Variants in CEP97 observed in about 807,000 individuals in gnomAD.
The protein encoded by CEP97 is centrosomal protein of 97 kDa.
A neutral mutation model predicts 73.1 loss-of-function variants in CEP97; 43 were observed. The ratio of observed to expected loss-of-function variants is 0.59; its 90% CI spans 0.46 to 0.76. The LOEUF (loss-of-function observed/expected upper bound fraction) is 0.76. Among genes scored for constraint, CEP97 ranks in the 30% least tolerant of loss-of-function variants. The pLI is 0.00. For synonymous variants in CEP97, 337 were observed against 370.0 expected (o/e 0.91, Z 1.02); for missense variants, 939 against 1,014.0 (o/e 0.93, Z 1.00).
intron 9 of CEP97, chr3:101,759,430 G>A (rs1435317043): frequency 6.6e-6 from 1 of 152,022 alleles, no homozygotes; most frequent in African/African-American, 2.4e-5. Flanking sequence ...TTTTATTGTG[G>A]GCCAGTCACA....
chr3:101,725,418 C>T (rs1937847006), intron 1 of CEP97, among the ~76,000 whole-genome samples: 1 of 152,286 alleles, frequency 6.6e-6, no homozygotes, highest in African/African-American at 2.4e-5. Flanking sequence ...AAATCGGGGA[C>T]AGGGCCCAGG....
Position 101,766,638 on chromosome 3 carries a change from G to GATATATAT in CEP97, c.*1100_*1107dup, listed in dbSNP as rs3039557. 2.7e-5 allele frequency: 4 copies of GATATATAT among 148,002 alleles called. No homozygotes were observed. Among genetic ancestry groups the GATATATAT allele is most frequent in the African/African-American group, 7.4e-5 (3 of 40,358 alleles). The allele number at this position is 148,002 out of a possible 1,614,324, so 9.2% of individuals were successfully genotyped here. The stretch of plus-strand genomic sequence containing the variant: ...AAACCTCACTTTACTTGTTAAAAGG[G>GATATATAT]ATATATATATATATATATATGTCTG... On this transcript the variant is annotated 3_prime_UTR_variant, in exon 11 of 11. Transcript: ENST00000341893.
Position 101,768,893 on chromosome 3 carries a change from A to C in CEP97, c.*3342A>C, listed in dbSNP as rs1053247603. 2.0e-5 allele frequency: 3 copies of C among 152,156 alleles called. No homozygotes were observed. Among genetic ancestry groups the C allele is most frequent in the African/African-American group, 7.2e-5 (3 of 41,444 alleles). 9.4% of individuals were successfully genotyped at this position (152,156 alleles called of 1,614,324 possible). Reference sequence around the variant, plus strand: ...AGTTGATAATATGCAATTTAGTTTGATTTTATAGGTTTAATTATAAAAGGC... The same window carrying C: ...AGTTGATAATATGCAATTTAGTTTGCTTTTATAGGTTTAATTATAAAAGGC... On this transcript the variant is annotated 3_prime_UTR_variant, in exon 11 of 11. Coordinates refer to ENST00000341893, the MANE Select transcript of CEP97 (RefSeq NM_024548.4).
chr3:101,727,762 G>T (rs1937948581), intron 3 of CEP97, among the ~76,000 whole-genome samples: 1 of 152,246 alleles, frequency 6.6e-6, no homozygotes, highest in East Asian at 1.9e-4. Flanking sequence ...GAAAAAAGTA[G>T]ATCAAACCAT....
intron 1 of CEP97, 72 bp downstream of exon 1, chr3:101,724,791 C>T (rs958892813): frequency 7.2e-6 from 11 of 1,521,848 alleles, no homozygotes; most frequent in Non-Finnish European, 1.0e-5. Flanking sequence ...GAGCAGAAAA[C>T]CTAGGTTTAG....
In CEP97 at chr3:101,724,759, C is replaced by T. The variant is rs191271728; in HGVS notation, c.43+40C>T. On this transcript the variant is annotated intron_variant, in intron 1 of 10. Transcript: ENST00000341893. The stretch of plus-strand genomic sequence containing the variant: ...ACCCCGAGTCCTAAGGTTTACTTCA[C>T]GGAGCTGAATTAAATAGTGGAGAGC... The T allele has an allele frequency of 1.4e-4, 226 of 1,599,456 alleles. No homozygotes were observed. The African/African-American group carries it at 2.7e-3, about 19-fold the overall frequency.
At chr3:101,731,668 C>G (rs1938114066) in intron 4 of CEP97, among the ~76,000 whole-genome samples, 172 bp from the exon 5 acceptor site, 1 of 152,050 alleles carries the variant, frequency 6.6e-6, no homozygotes, top group South Asian at 2.1e-4. Flanking sequence ...GAGAGTTGGA[C>G]CAGAAGATCA....
intron 1 of CEP97, 126 bp downstream of exon 1, chr3:101,724,845 G>C (rs753184901): frequency 1.4e-5 from 14 of 999,560 alleles, no homozygotes; most frequent in Non-Finnish European, 2.1e-5. Context: ...ATCTGTGGTC[G>C]TCGCGGAGGC....
rs374769023 is a variant in CEP97 at position 101,766,638 on chromosome 3, G to GTTAT, written c.*1087_*1088insTTAT. 1.4e-5 allele frequency: 2 copies of GTTAT among 148,006 alleles called. No homozygotes were observed. The highest frequency in any genetic ancestry group is 5.0e-5 in the African/African-American group (2 of 40,360). 9.2% of individuals were successfully genotyped at this position (148,006 alleles called of 1,614,324 possible). A position where few individuals can be genotyped will look rare whatever the true frequency, so the allele number is the denominator to read the frequency against. ...AAACCTCACTTTACTTGTTAAAAGGGATATATATATATATATATATGTCTG... is the reference window on the plus strand; with the variant it reads ...AAACCTCACTTTACTTGTTAAAAGGGTTATATATATATATATATATATATGTCTG... On this transcript the variant is annotated 3_prime_UTR_variant, in exon 11 of 11. Transcript: ENST00000341893.
At position 101,758,367 on chromosome 3, in the gene CEP97, A is replaced by T. The variant is rs1390202979; in HGVS notation, c.1761A>T (p.Glu587Asp). 3.7e-6 allele frequency: 6 copies of T among 1,614,058 alleles called. No individual in the cohort carries two copies. The South Asian group carries it at 6.6e-5, about 18-fold the overall frequency. Residue 587 changes from glutamate (E) to aspartate (D), a missense_variant, in exon 9 of 11, where the codon GAA (glutamate) becomes GAT (aspartate). Physicochemically the swap from Glu to Asp is conservative, Grantham distance 45. Coordinates refer to ENST00000341893, the MANE Select transcript of CEP97 (RefSeq NM_024548.4). ...YNPQAKDVRY[E>D]IRLRRMQEHI... ...CTCAAGCCAAAGATGTGCGTTACGA[A>T]ATCCGGCTACGCAGAATGCAAGAGC...
chr3:101,729,089 A>G (rs1177717613), intron 4 of CEP97, 152 bp downstream of exon 4: 6 of 602,660 alleles, frequency 1.0e-5, no homozygotes, highest in African/African-American at 7.5e-5. Context: ...CATGCCTGTA[A>G]TCCCAGCACT....
chr3:101,739,294 G>C (rs1362633145), intron 6 of CEP97, among the ~76,000 whole-genome samples: 1 of 152,154 alleles, frequency 6.6e-6, no homozygotes, highest in Non-Finnish European at 1.5e-5. Flanking sequence ...AAAAGAAAAA[G>C]AGGGACTCCT....
At chr3:101,743,602 C>T (rs1294497267) in intron 6 of CEP97, among the ~76,000 whole-genome samples, 2 of 152,072 alleles carry the variant, frequency 1.3e-5, no homozygotes, top group Non-Finnish European at 2.9e-5. Flanking sequence ...TGCTGTGTTG[C>T]CCGGGCTGGT....
intron 9 of CEP97, among the ~76,000 whole-genome samples, 167 bp from the exon 10 acceptor site, chr3:101,762,318 T>TA (rs552135019): frequency 1.3e-5 from 2 of 152,198 alleles, no homozygotes; most frequent in African/African-American, 4.8e-5. Flanking sequence ...ATTCTGAGGT[T>TA]AAAAAAATAA....
chr3:101,754,569 T>C (rs1310212805), intron 6 of CEP97, among the ~76,000 whole-genome samples: 3 of 152,190 alleles, frequency 2.0e-5, no homozygotes, highest in Non-Finnish European at 4.4e-5. Flanking sequence ...GAGCAGTTCT[T>C]TCTTGGGGCC....
chr3:101,763,092 TTTC>T (rs1939213965), intron 10 of CEP97: 1 of 1,195,112 alleles, frequency 8.4e-7, no homozygotes, highest in Admixed American at 2.7e-5. Flanking sequence ...AAAATTTTCA[TTTC>T]TTCTTTTTTA....
At position 101,766,081 on chromosome 3, in the gene CEP97, G is replaced by A. The variant is rs1262738229; in HGVS notation, c.*530G>A. 1 of 152,054 alleles carries A rather than the reference G, an allele frequency of 6.6e-6. No homozygotes were observed. Among genetic ancestry groups the A allele is most frequent in the Non-Finnish European group, 1.5e-5 (1 of 68,006 alleles). 9.4% of individuals were successfully genotyped at this position (152,054 alleles called of 1,614,324 possible). A position where few individuals can be genotyped will look rare whatever the true frequency, so the allele number is the denominator to read the frequency against. ...CCTTTTTTCCTCCTTTCGGAGTCAA[G>A]GAAAGCCTTTCTATAAGCAAATTAA... On this transcript the variant is annotated 3_prime_UTR_variant, in exon 11 of 11. Transcript: ENST00000341893.
intron 7 of CEP97, 43 bp from the exon 8 acceptor site, chr3:101,757,020 T>C: frequency 1.3e-6 from 2 of 1,528,376 alleles, no homozygotes; most frequent in East Asian, 4.8e-5. Flanking sequence ...ATCTTTCTTT[T>C]TTTGGTTTGT....
chr3:101,753,710 G>T (rs1438222984), intron 6 of CEP97, among the ~76,000 whole-genome samples: 1 of 152,238 alleles, frequency 6.6e-6, no homozygotes, highest in Non-Finnish European at 1.5e-5. Context: ...TCCGAGCCAG[G>T]TGCGGGATAT....
Sources: gnomAD v4.1 joint callset for allele counts (sites outside exome capture counted in the v4.1 genomes callset) on GRCh38, gnomAD v4.1.1 for gene constraint, MANE v1.5 for transcripts, NCBI Gene and HGNC (gene_info 2026-07-23, HGNC 2026-07-21) for gene names.